The following FSTL4 variants were observed in gnomAD, a reference collection of about 807,000 sequenced individuals.
FSTL4 encodes the protein follistatin-related protein 4.
A neutral mutation model predicts 78.2 loss-of-function variants in FSTL4; 28 were observed. That is an observed-to-expected ratio of 0.36 (90% CI 0.27 to 0.49). The LOEUF (loss-of-function observed/expected upper bound fraction) is 0.49. Ranked by LOEUF, FSTL4 falls within the 20% of genes least tolerant of loss-of-function variation. FSTL4 has a pLI of 0.98. For missense variants in FSTL4, 922 were observed against 1,084.9 expected (o/e 0.85, Z 2.11); for synonymous variants, 422 against 440.5 (o/e 0.96, Z 0.53).
the FSTL4 span, among the ~76,000 whole-genome samples, chr5:133,735,114 T>C: frequency 6.6e-6 from 1 of 152,064 alleles, no homozygotes; most frequent in African/African-American, 2.4e-5. Context: ...GGGAGTCCCC[T>C]GGCAAGCCCC....
At chr5:133,791,824 C>T in the FSTL4 span, among the ~76,000 whole-genome samples, 8 of 152,230 alleles carry the variant, frequency 5.3e-5, no homozygotes, top group Non-Finnish European at 4.4e-5. Context: ...CCTTGAGTTT[C>T]CCCATGCCTT....
chr5:133,766,711 G>C, the FSTL4 span, among the ~76,000 whole-genome samples: 1 of 152,204 alleles, frequency 6.6e-6, no homozygotes, highest in African/African-American at 2.4e-5. Context: ...AGCATTTGTT[G>C]AAGATCCAAG....
chr5:133,392,416 G>A (rs961402078), intron 4 of FSTL4, among the ~76,000 whole-genome samples: 2 of 152,208 alleles, frequency 1.3e-5, no homozygotes, highest in African/African-American at 4.8e-5. Flanking sequence ...CAGTGGAACA[G>A]GGTTGCAGAG....
At chr5:133,537,256 A>G (rs1429303610) in intron 3 of FSTL4, among the ~76,000 whole-genome samples, 1 of 152,146 alleles carries the variant, frequency 6.6e-6, no homozygotes, top group Non-Finnish European at 1.5e-5. Flanking sequence ...TACAATACTG[A>G]CCTTCTTATT....
chr5:133,648,841 T>C, the FSTL4 span, among the ~76,000 whole-genome samples: 2 of 152,170 alleles, frequency 1.3e-5, no homozygotes, highest in Non-Finnish European at 2.9e-5. Context: ...GGGACATTGG[T>C]TACAATCAAT....
At chr5:133,641,003 T>C in the FSTL4 span, among the ~76,000 whole-genome samples, 1 of 152,202 alleles carries the variant, frequency 6.6e-6, no homozygotes, top group South Asian at 2.1e-4. Context: ...TTGGCAGGGG[T>C]ACCATGTACT....
At chr5:133,462,347 T>C (rs913327219) in intron 3 of FSTL4, among the ~76,000 whole-genome samples, 2 of 152,256 alleles carry the variant, frequency 1.3e-5, no homozygotes, top group African/African-American at 4.8e-5. Flanking sequence ...CTAGGAAATA[T>C]GCCAAGCTCT....
At chr5:133,271,326 G>A (rs933012171) in intron 6 of FSTL4, among the ~76,000 whole-genome samples, 1 of 152,226 alleles carries the variant, frequency 6.6e-6, no homozygotes, top group East Asian at 1.9e-4. Context: ...CCAGTGTGAT[G>A]TGCTGCAAGA....
chr5:133,491,474 A>T (rs1758265436), intron 3 of FSTL4, among the ~76,000 whole-genome samples: 1 of 148,756 alleles, frequency 6.7e-6, no homozygotes, highest in South Asian at 2.1e-4. Flanking sequence ...ATCTCGGCTC[A>T]CTGCAAGCTC....
chr5:133,232,964 G>C (rs561388698), intron 8 of FSTL4, among the ~76,000 whole-genome samples: 2 of 152,208 alleles, frequency 1.3e-5, no homozygotes, highest in Non-Finnish European at 1.5e-5. Flanking sequence ...GGAGGGAGAC[G>C]GACACAAGCC....
At chr5:133,671,819 A>G in the FSTL4 span, among the ~76,000 whole-genome samples, 2 of 152,276 alleles carry the variant, frequency 1.3e-5, no homozygotes, top group Non-Finnish European at 2.9e-5. Context: ...GAAGAGGAAC[A>G]GGCTATGACC....
chr5:133,596,681 G>A (rs1760743565), intron 2 of FSTL4, among the ~76,000 whole-genome samples: 1 of 152,034 alleles, frequency 6.6e-6, no homozygotes, highest in South Asian at 2.1e-4. Context: ...CGGTCCCACC[G>A]ACCAAGGGAA....
At chr5:133,818,102 C>A in the FSTL4 span, among the ~76,000 whole-genome samples, 1 of 152,228 alleles carries the variant, frequency 6.6e-6, no homozygotes, top group Non-Finnish European at 1.5e-5. Context: ...TCTCCTTCCA[C>A]GTGGTGCAGC....
intron 3 of FSTL4, among the ~76,000 whole-genome samples, chr5:133,507,865 A>G (rs1758645112): frequency 7.0e-6 from 1 of 142,060 alleles, no homozygotes; most frequent in Non-Finnish European, 1.6e-5. Context: ...ATAAAAAATA[A>G]CATAACCATA....
At chr5:133,573,994 T>C (rs1214071193) in intron 2 of FSTL4, among the ~76,000 whole-genome samples, 1 of 152,114 alleles carries the variant, frequency 6.6e-6, no homozygotes, top group Non-Finnish European at 1.5e-5. Flanking sequence ...TAGGTGAAAA[T>C]TTCTTAAAGA....
At chr5:133,639,098 A>G in the FSTL4 span, among the ~76,000 whole-genome samples, 2 of 152,032 alleles carry the variant, frequency 1.3e-5, no homozygotes, top group African/African-American at 4.8e-5. Flanking sequence ...CCCCATATGC[A>G]TTCGGTATTT....
At chr5:133,746,966 C>T in the FSTL4 span, among the ~76,000 whole-genome samples, 3 of 152,190 alleles carry the variant, frequency 2.0e-5, no homozygotes, top group Non-Finnish European at 4.4e-5. Flanking sequence ...CTAACTGGCC[C>T]AGGCATCCTG....
At chr5:133,578,190 C>T (rs1189796420) in intron 2 of FSTL4, among the ~76,000 whole-genome samples, 1 of 152,200 alleles carries the variant, frequency 6.6e-6, no homozygotes, top group Non-Finnish European at 1.5e-5. Context: ...TTTTACTTTA[C>T]TAATTTAAAA....
chr5:133,646,839 C>T, the FSTL4 span, among the ~76,000 whole-genome samples: 21 of 152,014 alleles, frequency 1.4e-4, no homozygotes, highest in Non-Finnish European at 2.8e-4. Flanking sequence ...TGGGAAATGT[C>T]CCCACAATCC....
Sources: allele counts gnomAD v4.1 joint callset (sites outside exome capture counted in the v4.1 genomes callset), GRCh38; gene constraint gnomAD v4.1.1; transcripts MANE v1.5; gene names NCBI Gene and HGNC (gene_info 2026-07-23, HGNC 2026-07-21).